Variants in SLC6A6 observed in about 807,000 individuals in gnomAD.
The protein encoded by SLC6A6 is solute carrier family 6 member 6.
Under a neutral mutation model 68.8 loss-of-function variants are expected in SLC6A6, and 16 were observed. The observed-to-expected ratio is 0.23, with a 90% CI of 0.16 to 0.35. The LOEUF (loss-of-function observed/expected upper bound fraction) is 0.35. SLC6A6 is among the 10% of genes least tolerant of loss of function. SLC6A6 has a pLI of 1.00. For missense variants in SLC6A6, 474 were observed against 802.8 expected, an observed-to-expected ratio of 0.59 and a Z score of 4.95; for synonymous variants, 312 against 315.4, an observed-to-expected ratio of 0.99 and a Z score of 0.12.
rs1372199338 is a variant in SLC6A6, at chr3:14,472,562, T to A, written c.1209+245T>A. On this transcript the variant is annotated intron_variant, in intron 10 of 14. Coordinates refer to ENST00000622186, the MANE Select transcript of SLC6A6 (RefSeq NM_003043.6). The surrounding 1 kb of genome is among the most constrained non-coding windows in gnomAD (Gnocchi z 4.5). ...TGCAAACAAGACGTGGCATGGCACA[T>A]TATCTGCTAGCAGAGGGGCATCCAG... Among the ~76,000 whole-genome samples, 1 of 152,184 alleles carries A rather than the reference T, an allele frequency of 6.6e-6. No homozygotes were observed. Among genetic ancestry groups the A allele is most frequent in the Non-Finnish European group, 1.5e-5 (1 of 68,028 alleles).
chr3:14,420,209 G>A (rs1699455771), intron 2 of SLC6A6, among the ~76,000 whole-genome samples: 1 of 152,220 alleles, frequency 6.6e-6, no homozygotes, highest in African/African-American at 2.4e-5. Context: ...GAGGCGGGTG[G>A]ATCACTTGAG....
chr3:14,420,497 TTTTTTTTTTTTG>T (rs1279160386), intron 2 of SLC6A6, among the ~76,000 whole-genome samples: 2 of 150,978 alleles, frequency 1.3e-5, no homozygotes, highest in African/African-American at 4.9e-5. Context: ...TGCTTTTTTT[TTTTTTTTTTTTG>T]AGACAGAGTC....
chr3:14,429,130 C>T (rs1699666551), intron 2 of SLC6A6, among the ~76,000 whole-genome samples: 1 of 152,210 alleles, frequency 6.6e-6, no homozygotes, highest in African/African-American at 2.4e-5. Context: ...CTCCAGGAGC[C>T]CTAGGTCACC....
At chr3:14,464,421 G>C (rs1700568496) in intron 6 of SLC6A6, among the ~76,000 whole-genome samples, 1 of 152,208 alleles carries the variant, frequency 6.6e-6, no homozygotes, top group African/African-American at 2.4e-5. Flanking sequence ...TACCTCAGAG[G>C]GTTAGGGCAC....
intron 2 of SLC6A6, among the ~76,000 whole-genome samples, chr3:14,418,635 T>C (rs1438183185): frequency 2.0e-5 from 3 of 152,238 alleles, no homozygotes; most frequent in Non-Finnish European, 4.4e-5. Flanking sequence ...AGGTTTACTG[T>C]GTTAACTCTG....
chr3:14,415,948 T>C (rs1373567419), intron 1 of SLC6A6, among the ~76,000 whole-genome samples: 1 of 152,192 alleles, frequency 6.6e-6, no homozygotes, highest in Non-Finnish European at 1.5e-5. Flanking sequence ...AGTGTGGGCT[T>C]TCTGTGGCTA....
intron 2 of SLC6A6, among the ~76,000 whole-genome samples, chr3:14,420,182 C>T (rs1699455292): frequency 6.6e-6 from 1 of 152,246 alleles, no homozygotes; most frequent in Admixed American, 6.5e-5. Flanking sequence ...CCTGTAATCC[C>T]AGCAGTTTGG....
chr3:14,417,460 C>T (rs62231830), intron 2 of SLC6A6, among the ~76,000 whole-genome samples: 3,444 of 150,346 alleles, frequency 0.023, 58 homozygotes, highest in Non-Finnish European at 0.035. Context: ...GGCCGGGCGC[C>T]GTGGCTCACG....
chr3:14,481,738 A>G lies in SLC6A6; in HGVS notation c.1619A>G (p.Asn540Ser), dbSNP rs781165466. The G allele has an allele frequency of 8.1e-6, 13 of 1,613,426 alleles. No individual in the cohort carries two copies. Among genetic ancestry groups the G allele is most frequent in the Middle Eastern group, 3.3e-4 (2 of 6,082 alleles). Residue 540 changes from asparagine (N) to serine (S), a missense_variant, in exon 14 of 15, where the codon AAC becomes AGC. This residue lies in a region of SLC6A6 where 194 missense variants were observed against 269.8 expected (regional missense o/e 0.72). Coordinates refer to ENST00000622186, the MANE Select transcript of SLC6A6 (RefSeq NM_003043.6). This position sits in a 1 kb window ranked among gnomAD's most constrained non-coding sequence, Gnocchi z 4.7. ...TACAACAAAACATACGTGTACCCCA[A>G]CTGGGCCATTGGGCTGGGCTGGAGC... ...LTYNKTYVYP[N>S]WAIGLGWSLA...
At chr3:14,447,170 T>A (rs1700142229) in intron 4 of SLC6A6, among the ~76,000 whole-genome samples, 1 of 152,162 alleles carries the variant, frequency 6.6e-6, no homozygotes, top group South Asian at 2.1e-4. Flanking sequence ...CATTCAATCA[T>A]CCAACTATCC....
chr3:14,469,413 G>A (rs1700701753), intron 9 of SLC6A6, among the ~76,000 whole-genome samples: 1 of 152,190 alleles, frequency 6.6e-6, no homozygotes, highest in Non-Finnish European at 1.5e-5. Context: ...TGTGCCATCT[G>A]TATTTGGAAC....
rs906501261 is a variant in SLC6A6 at position 14,477,895 on chromosome 3, C to T, written c.1347+553C>T. Among the ~76,000 whole-genome samples the T allele has an allele frequency of 2.0e-5, 3 of 152,056 alleles. No individual in the cohort carries two copies. The highest frequency in any genetic ancestry group is 6.5e-5 in the Admixed American group (1 of 15,276). ...AGCAAAGAGCAGAAGGGAACGGGAA[C>T]GTCTAAGACGTGTCTAGCAAGAGGC... On this transcript the variant is annotated intron_variant, in intron 11 of 14. Transcript: ENST00000622186. The surrounding 1 kb of genome is among the most constrained non-coding windows in gnomAD (Gnocchi z 4.2).
chr3:14,464,449 C>T (rs1027165165), intron 6 of SLC6A6, among the ~76,000 whole-genome samples: 8 of 152,268 alleles, frequency 5.3e-5, no homozygotes, highest in Non-Finnish European at 7.4e-5. Context: ...TGAAAATAGA[C>T]GTCACAGCAT....
At position 14,443,975 on chromosome 3, in the gene SLC6A6, C is replaced by T. The variant is rs560052737; in HGVS notation, c.229+112C>T. ...TCTTTCCCTGCTTTCCCTGGCCCCC[C>T]CCCTTGACCTCCATGAGGTCAGCCT... On this transcript the variant is annotated intron_variant, in intron 3 of 14. Transcript: ENST00000622186. The T allele has an allele frequency of 3.9e-4, 283 of 731,418 alleles. 4 individuals are homozygous for T. In the East Asian group the frequency reaches 6.8e-3, roughly 18 times the overall value. The allele number at this position is 731,418 out of a possible 1,614,324, so 45.3% of individuals were successfully genotyped here. A position where few individuals can be genotyped will look rare whatever the true frequency, so the allele number is the denominator to read the frequency against.
Position 14,424,356 on chromosome 3 carries a change from T to TA in SLC6A6, c.-12+7917dup, listed in dbSNP as rs572276461. Among the ~76,000 whole-genome samples the TA allele has an allele frequency of 5.7e-3, 800 of 140,342 alleles. 5 individuals are homozygous for TA. Among genetic ancestry groups the TA allele is most frequent in the South Asian group, 0.01 (44 of 4,348 alleles). The allele number at this position is 140,342 out of a possible 152,430, so 92.1% of individuals were successfully genotyped here. ...TGAAGGTGCTTTGGGCACGCAAAGT[T>TA]AAAAAAAAAAAAAAGCTCCCTGAGG... On this transcript the variant is annotated intron_variant, in intron 2 of 14. Coordinates refer to ENST00000622186, the MANE Select transcript of SLC6A6 (RefSeq NM_003043.6).
At chr3:14,431,094 T>C (rs963254011) in intron 2 of SLC6A6, among the ~76,000 whole-genome samples, 12 of 152,236 alleles carry the variant, frequency 7.9e-5, no homozygotes, top group Admixed American at 5.9e-4. Context: ...GGACATCGTT[T>C]AATGAAAAGT....
chr3:14,479,177 C>T lies in SLC6A6; in HGVS notation c.1543C>T (p.Leu515Phe). The T allele has an allele frequency of 6.2e-7, 1 of 1,606,640 alleles. No individual in the cohort carries two copies. Among genetic ancestry groups the T allele is most frequent in the Non-Finnish European group, 8.5e-7 (1 of 1,173,144 alleles). Residue 515 changes from leucine to phenylalanine, a missense_variant, in exon 13 of 15, where the codon CTC (leucine) becomes TTC (phenylalanine). Leu to Phe is a conservative substitution (Grantham distance 22). Transcript: ENST00000622186. The part of the protein sequence containing the change: ...KYSWAVITPV[L>F]CVGCFIFSLV... Reference sequence around the variant, plus strand: ...CAGCTGGGCTGTGATCACTCCAGTTCTCTGTGTTGTGAGTTCCATTTCTGT... The same window carrying T: ...CAGCTGGGCTGTGATCACTCCAGTTTTCTGTGTTGTGAGTTCCATTTCTGT...
chr3:14,468,260 G>C lies in SLC6A6; in HGVS notation c.1096+48G>C. 15 of 1,572,240 alleles carry C rather than the reference G, an allele frequency of 9.5e-6. No homozygotes were observed. Among genetic ancestry groups the C allele is most frequent in the Non-Finnish European group, 1.3e-5 (15 of 1,155,122 alleles). Reference sequence around the variant, plus strand: ...GGTGGTGGGCACTGCCACCTAGTGTGTAAGCCAAGTACTGCAGGCATGAAG... The same window carrying C: ...GGTGGTGGGCACTGCCACCTAGTGTCTAAGCCAAGTACTGCAGGCATGAAG... On this transcript the variant is annotated intron_variant, in intron 9 of 14. Coordinates refer to ENST00000622186, the MANE Select transcript of SLC6A6 (RefSeq NM_003043.6). This position sits in a 1 kb window ranked among gnomAD's most constrained non-coding sequence, Gnocchi z 4.5.
At chr3:14,451,556 T>C (rs1173904578) in intron 5 of SLC6A6, among the ~76,000 whole-genome samples, 2 of 152,196 alleles carry the variant, frequency 1.3e-5, no homozygotes, top group Non-Finnish European at 2.9e-5. Flanking sequence ...ATTTGAACTT[T>C]GTTCTCTTGG....
Sources: allele counts gnomAD v4.1 joint callset (sites outside exome capture counted in the v4.1 genomes callset), GRCh38; gene constraint gnomAD v4.1.1; regional missense constraint gnomAD v4.1.1; non-coding constraint Gnocchi (gnomAD v3.1); transcripts MANE v1.5; gene names NCBI Gene and HGNC (gene_info 2026-07-23, HGNC 2026-07-21).